The following ARFRP1 variants were observed in gnomAD, a reference collection of about 807,000 sequenced individuals.
ARFRP1 encodes the protein ADP-ribosylation factor-related protein 1.
A neutral mutation model predicts 30.3 loss-of-function variants in ARFRP1; 19 were observed. The ratio of observed to expected loss-of-function variants is 0.63; its 90% confidence interval spans 0.44 to 0.92. The LOEUF (loss-of-function observed/expected upper bound fraction) is 0.92, where lower values mean the gene tolerates loss of function less well. Ranked by LOEUF, ARFRP1 falls within the 40% of genes least tolerant of loss-of-function variation. The pLI is 0.00. For missense variants in ARFRP1, 245 were observed against 267.5 expected, an observed-to-expected ratio of 0.92 and a Z score of 0.59; for synonymous variants, 133 against 114.2, an observed-to-expected ratio of 1.16 and a Z score of -1.05.
At chr20:63,705,717 T>A in intron 4 of ARFRP1, 1 of 533,046 alleles carries the variant, frequency 1.9e-6, no homozygotes, top group South Asian at 1.4e-5. Flanking sequence ...AGCAGCAAGG[T>A]CTCTGAGCCG....
intron 6 of ARFRP1, among the ~76,000 whole-genome samples, chr20:63,701,540 C>T (rs1271837991): frequency 1.3e-5 from 2 of 152,132 alleles, no homozygotes; most frequent in African/African-American, 4.8e-5. Flanking sequence ...CACAGCTTGG[C>T]CACACACTCC....
Position 63,698,953 on chromosome 20 carries a change from G to A in ARFRP1, c.*1490C>T, listed in dbSNP as rs2091055451. 1.8e-5 allele frequency: 3 copies of A among 168,800 alleles called. No homozygotes were observed. The highest frequency in any genetic ancestry group is 3.8e-5 in the Non-Finnish European group (3 of 79,518). 10.5% of individuals were successfully genotyped at this position (168,800 alleles called of 1,614,324 possible). A position where few individuals can be genotyped will look rare whatever the true frequency, so the allele number is the denominator to read the frequency against. On this transcript the variant is annotated 3_prime_UTR_variant, in exon 8 of 8. Coordinates refer to ENST00000622789, the MANE Select transcript of ARFRP1 (RefSeq NM_001267547.3). ...CAGGATGGGGCTCAGGCCAGCCCTA[G>A]TCGCCGGGGCCCACACTAACCCCCC...
intron 5 of ARFRP1, 98 bp from the exon 6 acceptor site, chr20:63,701,998 G>A: frequency 6.9e-6 from 4 of 583,914 alleles, no homozygotes; most frequent in South Asian, 4.3e-5. Flanking sequence ...CACTCCCTCT[G>A]CCCCCCCCCC....
In ARFRP1 at chr20:63,701,916, G is replaced by T. The variant is rs1277515348; in HGVS notation, c.347-16C>A. ...ACCACCTTCTCTGGGGAGGGCAGGA[G>T]AGGCAGCGCCTCACACCCAGCATCC... On this transcript the variant is annotated splice_polypyrimidine_tract_variant and intron_variant, in intron 5 of 7. Coordinates refer to ENST00000622789, the MANE Select transcript of ARFRP1 (RefSeq NM_001267547.3). 1 of 1,549,270 alleles carries T rather than the reference G, an allele frequency of 6.5e-7. No homozygotes were observed.
In ARFRP1 at chr20:63,707,116, G is replaced by A. The variant is rs761678778; in HGVS notation, c.-6-19C>T. On this transcript the variant is annotated intron_variant, in intron 1 of 7. Transcript: ENST00000622789. ...TCCTGCCCTGGGCACCCCAACATAG[G>A]TCAGTGTGCAGCCAGAAAGCACCTC... 8 of 1,583,878 alleles carry A rather than the reference G, an allele frequency of 5.1e-6. No individual in the cohort carries two copies. The Admixed American group carries it at 5.4e-5, about 11-fold the overall frequency.
chr20:63,706,497 C>T, intron 3 of ARFRP1, 58 bp from the exon 4 acceptor site: 1 of 1,571,366 alleles, frequency 6.4e-7, no homozygotes, highest in East Asian at 2.2e-5. Context: ...ACACCCAGTC[C>T]CAGCTCTCCC....
intron 4 of ARFRP1, chr20:63,705,817 C>G (rs758892085): frequency 7.7e-6 from 4 of 518,390 alleles, no homozygotes; most frequent in East Asian, 5.5e-5. Context: ...ACTGCCCTGA[C>G]CTCTCTGACT....
intron 4 of ARFRP1, 45 bp downstream of exon 4, chr20:63,706,312 C>A (rs772667823): frequency 2.6e-6 from 4 of 1,555,306 alleles, no homozygotes. Context: ...AAAGAAGTGG[C>A]ACTGGAGGGC....
Position 63,698,889 on chromosome 20 carries a change from C to T in ARFRP1, c.*1554G>A, listed in dbSNP as rs529295190. 33 of 240,112 alleles carry T rather than the reference C, an allele frequency of 1.4e-4. No homozygotes were observed. Among genetic ancestry groups the T allele is most frequent in the East Asian group, 1.6e-4 (2 of 12,384 alleles). The allele number at this position is 240,112 out of a possible 1,614,324, so 14.9% of individuals were successfully genotyped here. A position where few individuals can be genotyped will look rare whatever the true frequency, so the allele number is the denominator to read the frequency against. ...CGTGGCAGGGGCCCCTGAAGCTCAG[C>T]GAGGGTCAGGGCCTGGGAGGGTATC... On this transcript the variant is annotated 3_prime_UTR_variant, in exon 8 of 8. Coordinates refer to ENST00000622789, the MANE Select transcript of ARFRP1 (RefSeq NM_001267547.3).
At chr20:63,705,804 C>A (rs766971611) in intron 4 of ARFRP1, 1 of 529,898 alleles carries the variant, frequency 1.9e-6, no homozygotes, top group African/African-American at 1.9e-5. Flanking sequence ...GAGAAAGAAA[C>A]AGACTGCCCT....
chr20:63,703,006 G>A (rs917259722), intron 4 of ARFRP1: 1 of 152,276 alleles, frequency 6.6e-6, no homozygotes, highest in African/African-American at 2.4e-5. Flanking sequence ...GCAGCCTCAG[G>A]TACAAGTGCT....
intron 5 of ARFRP1, 112 bp downstream of exon 5, chr20:63,702,024 G>T: frequency 1.6e-6 from 1 of 641,272 alleles, no homozygotes; most frequent in Non-Finnish European, 2.2e-6. Context: ...TCACCCACTA[G>T]GCAGGAGCAC....
At chr20:63,705,562 T>G (rs997952462) in intron 4 of ARFRP1, 1 of 476,258 alleles carries the variant, frequency 2.1e-6, no homozygotes, top group Non-Finnish European at 4.4e-6. Context: ...AATAGGAGAC[T>G]GCCGCTGTGA....
rs1355541566 is a variant in ARFRP1 at position 63,706,706 on chromosome 20, G to A, written c.126C>T (p.Asn42=). The change falls in exon 3 of 8, where the codon AAC becomes AAT. Residue 42 remains asparagine, a synonymous_variant. Coordinates refer to ENST00000622789, the MANE Select transcript of ARFRP1 (RefSeq NM_001267547.3). ...ATAGACTCATCCCCTTGTAGTTCTT[G>A]TTAAATCGGGTTTTCGACTGCTCCA... ...TFLEQSKTRF[N]KNYKGMSLSK... 2 of 1,613,912 alleles carry A rather than the reference G, an allele frequency of 1.2e-6. No individual in the cohort carries two copies. The highest frequency in any genetic ancestry group is 2.7e-5 in the African/African-American group (2 of 74,950).
chr20:63,700,576 C>G (rs985172462), intron 7 of ARFRP1, 26 bp downstream of exon 7: 13 of 1,610,174 alleles, frequency 8.1e-6, no homozygotes, highest in Non-Finnish European at 1.1e-5. Context: ...GTCCCCAAAG[C>G]CCCCGCAGGT....
chr20:63,701,998 G>GCT, intron 5 of ARFRP1, 98 bp from the exon 6 acceptor site: 5 of 583,916 alleles, frequency 8.6e-6, no homozygotes, highest in South Asian at 6.4e-5. Context: ...CACTCCCTCT[G>GCT]CCCCCCCCCC....
intron 5 of ARFRP1, 112 bp from the exon 6 acceptor site, chr20:63,702,012 C>T (rs974289687): frequency 1.1e-5 from 10 of 906,290 alleles, no homozygotes; most frequent in African/African-American, 2.0e-5. Flanking sequence ...CCCCCCCCCC[C>T]GTCACCCACT....
Position 63,702,163 on chromosome 20 carries a change from T to G in ARFRP1, c.319A>C (p.Arg107=), listed in dbSNP as rs3188690. 6.2e-7 allele frequency: 1 copy of G among 1,611,822 alleles called. No homozygotes were observed. The highest frequency in any genetic ancestry group is 8.5e-7 in the Non-Finnish European group (1 of 1,179,876). ...AACGCCTGCTTGGACTCAGCCAGCC[T>G]CTCCTCGTCGGTGGAGTCAATGACG... is the stretch of plus-strand genomic sequence containing the variant. The part of the protein sequence containing the change: ...IYVIDSTDEE[R]LAESKQAFEK... Residue 107 remains arginine (R), a synonymous_variant, in exon 5 of 8, where the codon AGG becomes CGG. Transcript: ENST00000622789.
Position 63,700,388 on chromosome 20 carries a change from A to C in ARFRP1, c.*55T>G. 1.3e-6 allele frequency: 2 copies of C among 1,598,248 alleles called. No homozygotes were observed. The highest frequency in any genetic ancestry group is 1.1e-5 in the South Asian group (1 of 90,640). ...GATCAGCAGCATGGGAGCCAACAGG[A>C]GGCCACTCCTCCAGCACCAGGGGAC... On this transcript the variant is annotated 3_prime_UTR_variant, in exon 8 of 8. Transcript: ENST00000622789.
Sources: gnomAD v4.1 joint callset for allele counts (sites outside exome capture counted in the v4.1 genomes callset) on GRCh38, gnomAD v4.1.1 for gene constraint, MANE v1.5 for transcripts, NCBI Gene and HGNC (gene_info 2026-07-23, HGNC 2026-07-21) for gene names.